Variants in RBFOX1 observed in about 807,000 individuals in gnomAD.
RBFOX1 encodes the protein RNA binding protein fox-1 homolog 1.
In RBFOX1, 8 loss-of-function variants were observed where a neutral mutation model predicts 57.7. That is an observed-to-expected ratio of 0.14 (90% confidence interval 0.08 to 0.25). The LOEUF (loss-of-function observed/expected upper bound fraction) is 0.25. Ranked by LOEUF, RBFOX1 falls within the 10% of genes least tolerant of loss-of-function variation. The probability of loss-of-function intolerance (pLI) is 1.00; values close to 1 mark genes in which losing one functional copy is unlikely to be tolerated. For missense variants in RBFOX1, 611 were observed against 548.5 expected, an observed-to-expected ratio of 1.11 and a Z score of -1.14; for synonymous variants, 326 against 222.4, an observed-to-expected ratio of 1.47 and a Z score of -4.15.
chr16:5,953,996 C>A (rs991398841), intron 4 of RBFOX1, among the ~76,000 whole-genome samples: 5 of 152,132 alleles, frequency 3.3e-5, no homozygotes, highest in African/African-American at 7.2e-5. Context: ...TCTGGAGACA[C>A]CTTGGCTTGT....
At chr16:6,128,066 G>A (rs747339511) in intron 1 of RBFOX1, among the ~76,000 whole-genome samples, 2 of 152,068 alleles carry the variant, frequency 1.3e-5, no homozygotes, top group East Asian at 1.9e-4. Context: ...CAGTACTTCT[G>A]AATACTTGAA....
rs143855929 is a variant in RBFOX1, at chr16:5,832,742, C to G, written c.319-34561C>G. 3.9e-5 allele frequency among the ~76,000 whole-genome samples: 6 copies of G among 152,280 alleles called. No homozygotes were observed. In the East Asian group the frequency reaches 1.2e-3, roughly 29 times the overall value. On this transcript the variant is annotated intron_variant, in intron 3 of 19. Transcript: ENST00000641259. ...ATGGAATTAACAGAAATTTAAAAAGCTGAGTCTGAGTCTTAGAGCCAGAGT... is the reference window on the plus strand; with the variant it reads ...ATGGAATTAACAGAAATTTAAAAAGGTGAGTCTGAGTCTTAGAGCCAGAGT...
chr16:6,238,101 AAAAAAAAAAAG>A (rs1274487677), intron 1 of RBFOX1, among the ~76,000 whole-genome samples: 10 of 151,428 alleles, frequency 6.6e-5, no homozygotes, highest in Admixed American at 2.6e-4. Flanking sequence ...AAAAAAAAAA[AAAAAAAAAAAG>A]AAAGAAAAGC....
In RBFOX1 at chr16:6,747,669, C is replaced by G. The variant is rs1175590636; in HGVS notation, c.-16+93019C>G. Among the ~76,000 whole-genome samples, 3 of 152,134 alleles carry G rather than the reference C, an allele frequency of 2.0e-5. No homozygotes were observed. In the East Asian group the frequency reaches 5.8e-4, roughly 29 times the overall value. On this transcript the variant is annotated intron_variant, in intron 3 of 15. Transcript: ENST00000550418. ...AAGTTGCTATCCCACACCACCCCTA[C>G]TATGTCCTTCTGATTGCTGCCTTTT...
intron 2 of RBFOX1, among the ~76,000 whole-genome samples, chr16:5,474,853 C>T (rs1433157536): frequency 6.6e-6 from 1 of 152,118 alleles, no homozygotes; most frequent in Admixed American, 6.5e-5. Context: ...ATATTCTGAG[C>T]CCATGCTATT....
intron 8 of RBFOX1, among the ~76,000 whole-genome samples, chr16:7,595,996 C>G (rs1360657340): frequency 6.6e-6 from 1 of 151,058 alleles, no homozygotes; most frequent in East Asian, 1.9e-4. Context: ...AGAACAGTTT[C>G]TTTTTCTTTT....
intron 14 of RBFOX1, among the ~76,000 whole-genome samples, chr16:7,677,625 T>A (rs142870490): frequency 6.6e-6 from 1 of 152,126 alleles, no homozygotes; most frequent in African/African-American, 2.4e-5. Context: ...AAAAGGAAAG[T>A]GTGTGTTTTC....
chr16:6,434,495 T>C (rs2094182117), intron 2 of RBFOX1, among the ~76,000 whole-genome samples: 1 of 152,212 alleles, frequency 6.6e-6, no homozygotes, highest in African/African-American at 2.4e-5. Flanking sequence ...ATTTGTGAAC[T>C]GTGTATTCAT....
Position 5,845,789 on chromosome 16 carries a change from C to T in RBFOX1, c.319-21514C>T, listed in dbSNP as rs577708355. ...TATTGGATGGCACAGATAGAGCCCA[C>T]TTTCAGCATCGCAGAGAGGTCCCTC... On this transcript the variant is annotated intron_variant, in intron 3 of 19. Transcript: ENST00000641259. 3.3e-5 allele frequency among the ~76,000 whole-genome samples: 5 copies of T among 152,144 alleles called. No homozygotes were observed. The South Asian group carries it at 1.0e-3, about 32-fold the overall frequency.
chr16:6,094,270 AC>A (rs2096216247), intron 1 of RBFOX1, among the ~76,000 whole-genome samples: 1 of 152,164 alleles, frequency 6.6e-6, no homozygotes, highest in South Asian at 2.1e-4. Flanking sequence ...TCCCTGAGCC[AC>A]CGTTCCAAAG....
intron 3 of RBFOX1, among the ~76,000 whole-genome samples, chr16:5,732,236 T>G (rs1395086964): frequency 6.6e-6 from 1 of 152,232 alleles, no homozygotes; most frequent in Non-Finnish European, 1.5e-5. Context: ...TTCTGCTAAT[T>G]CCTGCCTTGA....
intron 2 of RBFOX1, among the ~76,000 whole-genome samples, chr16:6,621,925 AAGAG>A (rs995750760): frequency 6.6e-6 from 1 of 152,190 alleles, no homozygotes; most frequent in Non-Finnish European, 1.5e-5. Context: ...CTGAAGAGCT[AAGAG>A]AGAGTTATGG....
chr16:7,477,495 C>G (rs2062983760), intron 4 of RBFOX1, among the ~76,000 whole-genome samples: 1 of 152,148 alleles, frequency 6.6e-6, no homozygotes, highest in Non-Finnish European at 1.5e-5. Context: ...CCTTGCCTCT[C>G]CCTTCTGCCC....
chr16:6,491,579 C>G (rs921283768), intron 2 of RBFOX1, among the ~76,000 whole-genome samples: 1 of 152,076 alleles, frequency 6.6e-6, no homozygotes, highest in African/African-American at 2.4e-5. Flanking sequence ...CATCATTATC[C>G]TTCTTATTGA....
chr16:7,054,541 T>TGGGTGG (rs2051397932), intron 4 of RBFOX1, among the ~76,000 whole-genome samples: 1 of 45,964 alleles, frequency 2.2e-5, no homozygotes, highest in Admixed American at 2.6e-4. Flanking sequence ...GCGCCAAACC[T>TGGGTGG]GGGTGGGGGG....
intron 4 of RBFOX1, among the ~76,000 whole-genome samples, chr16:7,213,380 T>G (rs1382051241): frequency 1.3e-5 from 2 of 152,184 alleles, no homozygotes; most frequent in Non-Finnish European, 2.9e-5. Flanking sequence ...CAGTATTTCT[T>G]TAAGTTCCCA....
At chr16:5,994,374 C>G (rs1305242042) in intron 4 of RBFOX1, among the ~76,000 whole-genome samples, 1 of 152,170 alleles carries the variant, frequency 6.6e-6, no homozygotes, top group Non-Finnish European at 1.5e-5. Flanking sequence ...ATTGGCCAGG[C>G]TGGTCTCGAA....
chr16:7,366,054 G>A (rs545908718), intron 4 of RBFOX1, among the ~76,000 whole-genome samples: 10 of 152,262 alleles, frequency 6.6e-5, no homozygotes, highest in East Asian at 1.9e-4. Flanking sequence ...TTGGCCTGGC[G>A]GAGGTCCAGG....
At chr16:6,448,145 T>C (rs1339923995) in intron 2 of RBFOX1, among the ~76,000 whole-genome samples, 7 of 128,356 alleles carry the variant, frequency 5.5e-5, no homozygotes, top group Non-Finnish European at 3.2e-5. Context: ...TTTTTTTCTT[T>C]TCTTTTCTTT....
Sources: gnomAD v4.1 joint callset for allele counts (sites outside exome capture counted in the v4.1 genomes callset) on GRCh38, gnomAD v4.1.1 for gene constraint, MANE v1.5 for transcripts, NCBI Gene and HGNC (gene_info 2026-07-23, HGNC 2026-07-21) for gene names.